Variants in WNT10A observed in about 807,000 individuals in gnomAD.
WNT10A encodes Wnt family member 10A.
A neutral mutation model predicts 36.1 loss-of-function variants in WNT10A; 37 were observed. That is an observed-to-expected ratio of 1.02 (90% CI 0.79 to 1.35). The LOEUF is 1.35. WNT10A is among the 40% of genes most tolerant of loss of function. The pLI is 0.00. For missense variants in WNT10A, 613 were observed against 601.4 expected, an observed-to-expected ratio of 1.02 and a Z score of -0.20; for synonymous variants, 255 against 254.1, an observed-to-expected ratio of 1.00 and a Z score of -0.03.
In WNT10A at chr2:218,892,830, C is replaced by T. The variant is rs915439029; in HGVS notation, c.813C>T (p.Cys271=). The T allele has an allele frequency of 7.5e-6, 12 of 1,596,584 alleles. No individual in the cohort carries two copies. The highest frequency in any genetic ancestry group is 8.5e-6 in the Non-Finnish European group (10 of 1,173,106). ...AGTGCCACGGCACGTCAGGCAGCTG[C>T]CAGCTCAAGACGTGCTGGCAGGTGA... is the stretch of plus-strand genomic sequence containing the variant. ...KCKCHGTSGS[C]QLKTCWQVTP... The change falls in exon 4 of 4, where the codon TGC becomes TGT. Residue 271 remains cysteine, a synonymous_variant. Coordinates refer to ENST00000258411, the MANE Select transcript of WNT10A (RefSeq NM_025216.3).
chr2:218,880,711 C>T (rs886055636), upstream of WNT10A: 7 of 388,422 alleles, frequency 1.8e-5, no homozygotes, highest in Non-Finnish European at 3.2e-5. This position sits in a 1 kb window ranked among gnomAD's most constrained non-coding sequence, Gnocchi z 7.7. Flanking sequence ...TGAGAGGCAC[C>T]GGGAGTTGTC....
chr2:218,890,729 G>T (rs962423550), intron 3 of WNT10A, among the ~76,000 whole-genome samples: 21 of 152,268 alleles, frequency 1.4e-4, no homozygotes, highest in Admixed American at 5.9e-4. Flanking sequence ...GAGTGACAAG[G>T]TTGAACTAGA....
chr2:218,891,472 G>A (rs1944649793), intron 3 of WNT10A, among the ~76,000 whole-genome samples: 1 of 152,142 alleles, frequency 6.6e-6, no homozygotes, highest in Non-Finnish European at 1.5e-5. Context: ...GCACAAAGCT[G>A]ATTCAGCAAT....
At chr2:218,890,651 A>G (rs1176217282) in intron 3 of WNT10A, among the ~76,000 whole-genome samples, 1 of 152,130 alleles carries the variant, frequency 6.6e-6, no homozygotes, top group African/African-American at 2.4e-5. Context: ...ACCCAGGAGA[A>G]AGGACAGGGG....
the WNT10A span, chr2:218,874,346 C>T: frequency 8.4e-5 from 13 of 155,122 alleles, no homozygotes; most frequent in Admixed American, 3.3e-4. Context: ...CCCTATCTCC[C>T]GACCAGGTTG....
chr2:218,892,992 C>T lies in WNT10A; in HGVS notation c.975C>T (p.Pro325=), dbSNP rs1256660194. 6.5e-7 allele frequency: 1 copy of T among 1,530,556 alleles called. No homozygotes were observed. Among genetic ancestry groups the T allele is most frequent in the African/African-American group, 1.4e-5 (1 of 70,050 alleles). 94.8% of individuals were successfully genotyped at this position (1,530,556 alleles called of 1,614,324 possible). The change falls in exon 4 of 4, where the codon CCC becomes CCT. Residue 325 remains proline, a synonymous_variant. Transcript: ENST00000258411. The part of the protein sequence containing the change: ...AGAPSPAPGA[P]GPRRRASPAD... ...CACCCTCGCCGGCTCCGGGCGCTCC[C>T]GGGCCGCGCCGACGGGCCAGCCCCG... is the stretch of plus-strand genomic sequence containing the variant.
upstream of WNT10A, among the ~76,000 whole-genome samples, chr2:218,876,870 CAG>C (rs1455997939): frequency 6.9e-6 from 1 of 144,138 alleles, no homozygotes; most frequent in Non-Finnish European, 1.5e-5. Context: ...CTGGGAAACT[CAG>C]AGAGTGGTGG....
intron 2 of WNT10A, 128 bp from the exon 3 acceptor site, chr2:218,889,856 G>A: frequency 6.7e-7 from 1 of 1,484,992 alleles, no homozygotes; most frequent in Admixed American, 1.8e-5. Context: ...CTTTGACTCT[G>A]TTTCCTTGTG....
chr2:218,878,425 C>T (rs371781480), upstream of WNT10A, among the ~76,000 whole-genome samples: 1 of 152,044 alleles, frequency 6.6e-6, no homozygotes, highest in African/African-American at 2.4e-5. This position sits in a 1 kb window ranked among gnomAD's most constrained non-coding sequence, Gnocchi z 4.1. Flanking sequence ...AGGGTTTTCT[C>T]GGTCTCCTTT....
In WNT10A at chr2:218,892,818, G is replaced by C. The variant is rs553058408; in HGVS notation, c.801G>C (p.Thr267=). The stretch of plus-strand genomic sequence containing the variant: ...GGCGGAAGTGCAAGTGCCACGGCAC[G>C]TCAGGCAGCTGCCAGCTCAAGACGT... ...NMRRKCKCHG[T]SGSCQLKTCW... Residue 267 remains threonine, a synonymous_variant, in exon 4 of 4, where the codon ACG becomes ACC. Coordinates refer to ENST00000258411, the MANE Select transcript of WNT10A (RefSeq NM_025216.3). 1.1e-5 allele frequency: 18 copies of C among 1,596,946 alleles called. No homozygotes were observed. Among genetic ancestry groups the C allele is most frequent in the Admixed American group, 3.4e-5 (2 of 58,542 alleles).
intron 2 of WNT10A, among the ~76,000 whole-genome samples, chr2:218,885,311 C>T (rs1944566030): frequency 6.6e-6 from 1 of 152,196 alleles, no homozygotes; most frequent in South Asian, 2.1e-4. Context: ...ACTGGTAGCC[C>T]CAGCTTTTTG....
At chr2:218,888,261 A>G (rs1387199822) in intron 2 of WNT10A, among the ~76,000 whole-genome samples, 2 of 152,230 alleles carry the variant, frequency 1.3e-5, no homozygotes, top group Non-Finnish European at 1.5e-5. Context: ...CCATTCTCAG[A>G]TGCAGAATAA....
upstream of WNT10A, among the ~76,000 whole-genome samples, chr2:218,877,767 C>A (rs1944465461): frequency 6.6e-6 from 1 of 152,190 alleles, no homozygotes; most frequent in Admixed American, 6.5e-5. The surrounding 1 kb of genome is among the most constrained non-coding windows in gnomAD (Gnocchi z 4.1). Context: ...GGGGAGACTG[C>A]AGCAGCAAGC....
chr2:218,877,078 A>G (rs1307938212), upstream of WNT10A, among the ~76,000 whole-genome samples: 1 of 152,204 alleles, frequency 6.6e-6, no homozygotes, highest in Non-Finnish European at 1.5e-5. The surrounding 1 kb of genome is among the most constrained non-coding windows in gnomAD (Gnocchi z 4.1). Context: ...TTCCTCCACA[A>G]TGCCAGGGAG....
the WNT10A span, among the ~76,000 whole-genome samples, chr2:218,874,441 GAGA>G: frequency 6.6e-6 from 1 of 152,166 alleles, no homozygotes; most frequent in Admixed American, 6.5e-5. Flanking sequence ...CTGCAAGCTG[GAGA>G]AGAACTAGCA....
chr2:218,891,494 C>T (rs954517943), intron 3 of WNT10A, among the ~76,000 whole-genome samples: 1 of 152,194 alleles, frequency 6.6e-6, no homozygotes, highest in African/African-American at 2.4e-5. Context: ...CCCATCTTGA[C>T]TTAGAGGCGG....
At chr2:218,891,332 A>G (rs574716711) in intron 3 of WNT10A, among the ~76,000 whole-genome samples, 19 of 152,058 alleles carry the variant, frequency 1.2e-4, no homozygotes, top group Non-Finnish European at 2.1e-4. Flanking sequence ...TTCCATCTCC[A>G]TCATCCCTTC....
intron 2 of WNT10A, among the ~76,000 whole-genome samples, chr2:218,887,650 G>C (rs947275078): frequency 6.6e-6 from 1 of 152,214 alleles, no homozygotes; most frequent in Non-Finnish European, 1.5e-5. Flanking sequence ...GCATCTGGTG[G>C]CCCAAGTGAC....
upstream of WNT10A, among the ~76,000 whole-genome samples, chr2:218,876,966 C>T (rs758652698): frequency 3.3e-5 from 5 of 152,196 alleles, no homozygotes; most frequent in Non-Finnish European, 7.3e-5. Context: ...CTGTCTGGGA[C>T]GTCTGGGCTG....
Sources: gnomAD v4.1 joint callset for allele counts (sites outside exome capture counted in the v4.1 genomes callset) on GRCh38, gnomAD v4.1.1 for gene constraint, Gnocchi (gnomAD v3.1) non-coding constraint, MANE v1.5 for transcripts, NCBI Gene and HGNC (gene_info 2026-07-23, HGNC 2026-07-21) for gene names.